Variants in HTR1E observed in about 807,000 individuals in gnomAD.
HTR1E encodes 5-hydroxytryptamine receptor 1E.
A neutral mutation model predicts 3.4 loss-of-function variants in HTR1E; 3 were observed. The observed-to-expected ratio is 0.89, with a 90% CI of 0.41 to 2.31. The LOEUF (loss-of-function observed/expected upper bound fraction) is 2.31, where lower values mean the gene tolerates loss of function less well. Among genes scored for constraint, HTR1E ranks in the 30% most tolerant of loss-of-function variants. The pLI is 0.05. For missense variants in HTR1E, 392 were observed against 467.0 expected (o/e 0.84, Z 1.48); for synonymous variants, 170 against 182.8 (o/e 0.93, Z 0.56).
intron 1 of HTR1E, among the ~76,000 whole-genome samples, chr6:86,953,860 G>A (rs939660557): frequency 1.3e-5 from 2 of 152,128 alleles, no homozygotes; most frequent in Non-Finnish European, 2.9e-5. Flanking sequence ...AGAAGCAAAG[G>A]GGAAACAGGC....
intron 1 of HTR1E, among the ~76,000 whole-genome samples, chr6:86,946,763 T>C (rs143522991): frequency 0.01 from 1,557 of 152,300 alleles, 12 homozygotes; most frequent in Admixed American, 0.015. Context: ...CTGAACACAT[T>C]AGATATGCTG....
At position 87,016,505 on chromosome 6, in the gene HTR1E, T is replaced by C; in HGVS notation, c.*73T>C. 2 of 1,279,396 alleles carry C rather than the reference T, an allele frequency of 1.6e-6. No homozygotes were observed. Among genetic ancestry groups the C allele is most frequent in the South Asian group, 1.5e-5 (1 of 66,996 alleles). 79.3% of individuals were successfully genotyped at this position (1,279,396 alleles called of 1,614,324 possible). ...GATGGGGGTAAGGGGTGCAACTTAT[T>C]AATTCTTGAACATACTTGGTTCAGG... On this transcript the variant is annotated 3_prime_UTR_variant, in exon 2 of 2. Coordinates refer to ENST00000305344, the MANE Select transcript of HTR1E (RefSeq NM_000865.3).
intron 1 of HTR1E, among the ~76,000 whole-genome samples, chr6:87,014,568 A>G (rs34865100): frequency 0.086 from 13,119 of 152,256 alleles, 751 homozygotes; most frequent in Non-Finnish European, 0.13. Flanking sequence ...AATGCCCATC[A>G]GTGATAGACT....
intron 1 of HTR1E, among the ~76,000 whole-genome samples, chr6:86,944,808 C>A (rs1768592152): frequency 6.6e-6 from 1 of 152,174 alleles, no homozygotes; most frequent in African/African-American, 2.4e-5. Context: ...CTAGTGACAT[C>A]ATCGCTATTG....
chr6:87,013,390 GAT>G (rs1313695060), intron 1 of HTR1E, among the ~76,000 whole-genome samples: 1 of 152,142 alleles, frequency 6.6e-6, no homozygotes, highest in Non-Finnish European at 1.5e-5. Flanking sequence ...TTGGACTCAT[GAT>G]ATTTTTTATG....
At chr6:86,991,552 G>C (rs1235565064) in intron 1 of HTR1E, among the ~76,000 whole-genome samples, 1 of 152,156 alleles carries the variant, frequency 6.6e-6, no homozygotes, top group Non-Finnish European at 1.5e-5. Context: ...TATAGTGAAT[G>C]CATTGCCAAA....
chr6:86,981,698 C>T (rs1037825974), intron 1 of HTR1E, among the ~76,000 whole-genome samples: 2 of 152,144 alleles, frequency 1.3e-5, no homozygotes, highest in Non-Finnish European at 1.5e-5. Context: ...TATTTAATAC[C>T]TACTGCACAC....
At chr6:86,964,120 A>G (rs1767442872) in intron 1 of HTR1E, among the ~76,000 whole-genome samples, 1 of 152,214 alleles carries the variant, frequency 6.6e-6, no homozygotes, top group South Asian at 2.1e-4. Context: ...ATGCTAGGGA[A>G]GTCTTCCTGA....
At chr6:87,010,025 T>C (rs1582284970) in intron 1 of HTR1E, among the ~76,000 whole-genome samples, 1 of 100,960 alleles carries the variant, frequency 9.9e-6, no homozygotes, top group African/African-American at 4.1e-5. Context: ...CCCCCCCACC[T>C]CCCTCCCGGA....
chr6:87,009,149 G>A (rs1489627206), intron 1 of HTR1E, among the ~76,000 whole-genome samples: 3 of 150,526 alleles, frequency 2.0e-5, no homozygotes, highest in Admixed American at 2.0e-4. Flanking sequence ...GTGGAGGGAA[G>A]GTCAGCAGAT....
chr6:86,939,946 AT>A (rs1460067795), intron 1 of HTR1E, among the ~76,000 whole-genome samples: 2 of 152,176 alleles, frequency 1.3e-5, no homozygotes, highest in African/African-American at 4.8e-5. Context: ...CTTCTTATCG[AT>A]GCCTGGTCAG....
chr6:86,970,665 G>C (rs1767537710), intron 1 of HTR1E: 1 of 162,416 alleles, frequency 6.2e-6, no homozygotes, highest in African/African-American at 2.4e-5. Context: ...CGAATGGCCA[G>C]AATGGCAAGA....
At chr6:87,005,529 G>A (rs1768089944) in intron 1 of HTR1E, among the ~76,000 whole-genome samples, 1 of 152,152 alleles carries the variant, frequency 6.6e-6, no homozygotes, top group African/African-American at 2.4e-5. Flanking sequence ...AGAACTGGCA[G>A]CATTCCATAT....
intron 1 of HTR1E, among the ~76,000 whole-genome samples, chr6:87,008,885 A>G (rs2127832379): frequency 6.6e-6 from 1 of 152,314 alleles, no homozygotes; most frequent in East Asian, 1.9e-4. Flanking sequence ...CTGTGTCTCA[A>G]TCACAATCGT....
At chr6:86,965,554 T>C (rs1024161257) in intron 1 of HTR1E, among the ~76,000 whole-genome samples, 2 of 152,314 alleles carry the variant, frequency 1.3e-5, no homozygotes, top group South Asian at 2.1e-4. Flanking sequence ...GGTTCTAATG[T>C]GCAGTCAGGG....
At chr6:86,986,872 C>T (rs1315246618) in intron 1 of HTR1E, among the ~76,000 whole-genome samples, 4 of 152,026 alleles carry the variant, frequency 2.6e-5, no homozygotes, top group African/African-American at 7.2e-5. Flanking sequence ...AGAAAGTTCA[C>T]GGGGGGTAAG....
chr6:86,959,981 C>A (rs186969235), intron 1 of HTR1E, among the ~76,000 whole-genome samples: 1 of 152,254 alleles, frequency 6.6e-6, no homozygotes, highest in African/African-American at 2.4e-5. Context: ...ACTCAATGTA[C>A]AAGTAAGTAC....
intron 1 of HTR1E, among the ~76,000 whole-genome samples, chr6:86,965,328 CTA>C (rs1767458299): frequency 6.6e-6 from 1 of 152,190 alleles, no homozygotes; most frequent in Admixed American, 6.5e-5. Flanking sequence ...CCCCGACTTT[CTA>C]TGAGTTCCAG....
At chr6:86,938,310 A>G (rs1768498942) in intron 1 of HTR1E, among the ~76,000 whole-genome samples, 1 of 152,146 alleles carries the variant, frequency 6.6e-6, no homozygotes, top group Non-Finnish European at 1.5e-5. Context: ...AGAAAATAAT[A>G]CTGTGCTCAG....
Sources: allele counts gnomAD v4.1 joint callset (sites outside exome capture counted in the v4.1 genomes callset), GRCh38; gene constraint gnomAD v4.1.1; transcripts MANE v1.5; gene names NCBI Gene and HGNC (gene_info 2026-07-23, HGNC 2026-07-21).